Variants in GALNT15 observed in about 807,000 individuals in gnomAD.
GALNT15 encodes the protein UDP-GalNAc transferase T15.
A neutral mutation model predicts 66.8 loss-of-function variants in GALNT15; 67 were observed. That is an observed-to-expected ratio of 1.00 (90% CI 0.82 to 1.23). The LOEUF is 1.23. GALNT15 is among the 50% of genes most tolerant of loss of function. The pLI is 0.00. For synonymous variants in GALNT15, 313 were observed against 311.5 expected, an observed-to-expected ratio of 1.00 and a Z score of -0.05; for missense variants, 827 against 804.3, an observed-to-expected ratio of 1.03 and a Z score of -0.34.
In GALNT15 at chr3:16,194,746, C is replaced by T. The variant is rs564653635; in HGVS notation, c.540-1014C>T. Among the ~76,000 whole-genome samples, 37 of 152,262 alleles carry T rather than the reference C, an allele frequency of 2.4e-4. No homozygotes were observed. The South Asian group carries it at 6.0e-3, about 25-fold the overall frequency. On this transcript the variant is annotated intron_variant, in intron 1 of 9. Transcript: ENST00000339732. ...AACACAGGAACAGAAAACCAAACAC[C>T]GCATGTTCTCACTTATAAGTGGGAG...
Position 16,228,083 on chromosome 3 carries a change from GC to G in GALNT15, c.*586del, listed in dbSNP as rs2064042199. On this transcript the variant is annotated 3_prime_UTR_variant, in exon 10 of 10. Coordinates refer to ENST00000339732, the MANE Select transcript of GALNT15 (RefSeq NM_054110.5). Reference sequence around the variant, plus strand: ...GCAGAGAAGATGCAAGAGCACTTTGGCCCAATTCTCCAGCTCAACCCAGCAG... The same window carrying G: ...GCAGAGAAGATGCAAGAGCACTTTGGCCAATTCTCCAGCTCAACCCAGCAG... 2 of 985,996 alleles carry G rather than the reference GC, an allele frequency of 2.0e-6. No homozygotes were observed. The highest frequency in any genetic ancestry group is 2.4e-6 in the Non-Finnish European group (2 of 830,166). 61.1% of individuals were successfully genotyped at this position (985,996 alleles called of 1,614,324 possible). A position where few individuals can be genotyped will look rare whatever the true frequency, so the allele number is the denominator to read the frequency against.
rs768652643 is a variant in GALNT15 at position 16,227,436 on chromosome 3, C to T, written c.1856C>T (p.Pro619Leu). 45 of 1,613,996 alleles carry T rather than the reference C, an allele frequency of 2.8e-5. No homozygotes were observed. In the South Asian group the frequency reaches 3.5e-4, roughly 13 times the overall value. The change falls in exon 10 of 10, where the codon CCG becomes CTG. Residue 619 changes from proline (P) to leucine (L), a missense_variant. Physicochemically the swap from Pro to Leu is moderately conservative, Grantham distance 98. Coordinates refer to ENST00000339732, the MANE Select transcript of GALNT15 (RefSeq NM_054110.5). The surrounding 1 kb of genome is among the most constrained non-coding windows in gnomAD (Gnocchi z 4.5). The stretch of plus-strand genomic sequence containing the variant: ...AACAATAAAGATTTGTACCTGCGTC[C>T]GTGTGATGGAAAAGCCCGCCAGCAG... ...QENNKDLYLR[P>L]CDGKARQQWR... is the part of the protein sequence containing the mutation.
In GALNT15 at chr3:16,193,905, AT is replaced by A. The variant is rs1418569194; in HGVS notation, c.540-1854del. 6.6e-6 allele frequency among the ~76,000 whole-genome samples: 1 copy of A among 152,218 alleles called. No individual in the cohort carries two copies. The highest frequency in any genetic ancestry group is 2.4e-5 in the African/African-American group (1 of 41,462). On this transcript the variant is annotated intron_variant, in intron 1 of 9. Coordinates refer to ENST00000339732, the MANE Select transcript of GALNT15 (RefSeq NM_054110.5). The surrounding 1 kb of genome is among the most constrained non-coding windows in gnomAD (Gnocchi z 4.7). ...CCTTTTGTAAGCAAGTGTGAGCTAT[AT>A]ACTGCTCCATGTATCAGGTTGTTAT... is the stretch of plus-strand genomic sequence containing the variant.
chr3:16,205,290 C>T (rs1036267071), intron 3 of GALNT15, among the ~76,000 whole-genome samples: 16 of 152,174 alleles, frequency 1.1e-4, no homozygotes, highest in South Asian at 2.1e-4. Flanking sequence ...TCCAGGCTCA[C>T]GAGAATTAAC....
Position 16,183,620 on chromosome 3 carries a change from G to T in GALNT15, c.539+7930G>T, listed in dbSNP as rs141571546. On this transcript the variant is annotated intron_variant, in intron 1 of 9. Transcript: ENST00000339732. This position sits in a 1 kb window ranked among gnomAD's most constrained non-coding sequence, Gnocchi z 5.2. ...CCAAGAAGCTTGGGGTGCACTGGGG[G>T]ATGCAGACAAGCAAACAGGCTGGTA... Among the ~76,000 whole-genome samples the T allele has an allele frequency of 2.5e-4, 38 of 152,324 alleles. No homozygotes were observed. The highest frequency in any genetic ancestry group is 4.4e-4 in the Non-Finnish European group (30 of 68,020).
chr3:16,184,569 G>A lies in GALNT15; in HGVS notation c.539+8879G>A, dbSNP rs977023412. ...GATTTCACGTCCCTACATCCAGAAC[G>A]TCTCACTACAGCTGCTGAATAATGA... On this transcript the variant is annotated intron_variant, in intron 1 of 9. Transcript: ENST00000339732. This position sits in a 1 kb window ranked among gnomAD's most constrained non-coding sequence, Gnocchi z 5.0. Among the ~76,000 whole-genome samples, 5 of 152,132 alleles carry A rather than the reference G, an allele frequency of 3.3e-5. No individual in the cohort carries two copies. Among genetic ancestry groups the A allele is most frequent in the South Asian group, 2.1e-4 (1 of 4,812 alleles).
intron 9 of GALNT15, among the ~76,000 whole-genome samples, chr3:16,226,109 A>T (rs974575229): frequency 6.6e-6 from 1 of 152,166 alleles, no homozygotes; most frequent in African/African-American, 2.4e-5. Context: ...CCACATTTAT[A>T]TAGTTCCATT....
chr3:16,208,201 T>A (rs2063777962), intron 3 of GALNT15, among the ~76,000 whole-genome samples: 1 of 152,284 alleles, frequency 6.6e-6, no homozygotes, highest in Admixed American at 6.5e-5. Flanking sequence ...CATTACAAAA[T>A]AAAAATAAAC....
At position 16,229,638 on chromosome 3, in the gene GALNT15, A is replaced by T. The variant is rs893036442; in HGVS notation, c.*2138A>T. 2.9e-5 allele frequency: 29 copies of T among 985,324 alleles called. No homozygotes were observed. Among genetic ancestry groups the T allele is most frequent in the Middle Eastern group, 5.2e-4 (1 of 1,914 alleles). The allele number at this position is 985,324 out of a possible 1,614,324, so 61.0% of individuals were successfully genotyped here. ...TGGTATTAGCGGCTGAAGAAAAAAAATTTTTCAAGACCTCTGTTTTTTAAC... is the reference window on the plus strand; with the variant it reads ...TGGTATTAGCGGCTGAAGAAAAAAATTTTTTCAAGACCTCTGTTTTTTAAC... On this transcript the variant is annotated 3_prime_UTR_variant, in exon 10 of 10. Coordinates refer to ENST00000339732, the MANE Select transcript of GALNT15 (RefSeq NM_054110.5).
chr3:16,225,650 G>A lies in GALNT15; in HGVS notation c.1774-1704G>A, dbSNP rs564484198. On this transcript the variant is annotated intron_variant, in intron 9 of 9. Coordinates refer to ENST00000339732, the MANE Select transcript of GALNT15 (RefSeq NM_054110.5). This position sits in a 1 kb window ranked among gnomAD's most constrained non-coding sequence, Gnocchi z 4.4. ...GCAGAGGTTGCACTGAGCTGAGATC[G>A]TGCCACTGTACTCCAGCCTGGGTGA... Among the ~76,000 whole-genome samples the A allele has an allele frequency of 1.6e-4, 24 of 151,982 alleles. No individual in the cohort carries two copies. Among genetic ancestry groups the A allele is most frequent in the South Asian group, 4.1e-4 (2 of 4,822 alleles).
chr3:16,211,133 G>A lies in GALNT15; in HGVS notation c.1089G>A (p.Val363=). Residue 363 remains valine, a synonymous_variant, in exon 5 of 10, where the codon GTG becomes GTA. Coordinates refer to ENST00000339732, the MANE Select transcript of GALNT15 (RefSeq NM_054110.5). This position sits in a 1 kb window ranked among gnomAD's most constrained non-coding sequence, Gnocchi z 4.3. ...QSPISPIRSP[V]VPGEVVAMDR... ...TGTCTTCTGTGTCCAGGAGCCCTGT[G>A]GTGCCCGGAGAGGTGGTGGCCATGG... 6.2e-7 allele frequency: 1 copy of A among 1,612,494 alleles called. No individual in the cohort carries two copies. The highest frequency in any genetic ancestry group is 8.5e-7 in the Non-Finnish European group (1 of 1,178,614).
Position 16,220,001 on chromosome 3 carries a change from G to A in GALNT15, c.1616G>A (p.Ser539Asn). 6.2e-7 allele frequency: 1 copy of A among 1,613,958 alleles called. No individual in the cohort carries two copies. The highest frequency in any genetic ancestry group is 8.5e-7 in the Non-Finnish European group (1 of 1,179,764). ...CPMVLAPCSD[S>N]RQQQYLQHTS... is the part of the protein sequence containing the mutation. ...ATGGTGTTGGCTCCTTGCAGTGACA[G>A]CCGGCAGCAACAGGTGGGTAGTCAG... Residue 539 changes from serine to asparagine, a missense_variant, in exon 8 of 10, where the codon AGC (serine) becomes AAC (asparagine). Ser to Asn is a conservative substitution (Grantham distance 46). Transcript: ENST00000339732.
chr3:16,201,334 A>G (rs1407780436), intron 3 of GALNT15, among the ~76,000 whole-genome samples: 3 of 152,096 alleles, frequency 2.0e-5, no homozygotes, highest in South Asian at 4.2e-4. Context: ...GGCGCCCGCC[A>G]CCACACCCGG....
At chr3:16,237,549 G>A in the GALNT15 span, among the ~76,000 whole-genome samples, 3 of 152,200 alleles carry the variant, frequency 2.0e-5, no homozygotes, top group Admixed American at 2.0e-4. The surrounding 1 kb of genome is among the most constrained non-coding windows in gnomAD (Gnocchi z 4.2). Flanking sequence ...TTATCGTCTA[G>A]TGAGCCTTCA....
chr3:16,220,941 A>G (rs1015983526), intron 8 of GALNT15, among the ~76,000 whole-genome samples: 1 of 152,248 alleles, frequency 6.6e-6, no homozygotes, highest in Non-Finnish European at 1.5e-5. Context: ...GGACATACTG[A>G]TAGGCATTCA....
rs1167840556 is a variant in GALNT15, at chr3:16,182,920, T to G, written c.539+7230T>G. On this transcript the variant is annotated intron_variant, in intron 1 of 9. Coordinates refer to ENST00000339732, the MANE Select transcript of GALNT15 (RefSeq NM_054110.5). This position sits in a 1 kb window ranked among gnomAD's most constrained non-coding sequence, Gnocchi z 6.1. ...TGCTCTATGACCTGCTATCAACTGC[T>G]CACTTTTTGCATGTCTAAAGCTCAC... 1 of 152,280 alleles carries G rather than the reference T, an allele frequency of 6.6e-6. No homozygotes were observed. Among genetic ancestry groups the G allele is most frequent in the East Asian group, 1.9e-4 (1 of 5,198 alleles). The allele number at this position is 152,280 out of a possible 1,614,324, so 9.4% of individuals were successfully genotyped here.
Position 16,200,949 on chromosome 3 carries a change from T to G in GALNT15, c.911+126T>G. On this transcript the variant is annotated intron_variant, in intron 3 of 9. Coordinates refer to ENST00000339732, the MANE Select transcript of GALNT15 (RefSeq NM_054110.5). The surrounding 1 kb of genome is among the most constrained non-coding windows in gnomAD (Gnocchi z 4.4). ...CTCCATTAGAGAGTGATATATTCCCTTCGGGTTTTCAGATGTGTAAGTTTT... is the reference window on the plus strand; with the variant it reads ...CTCCATTAGAGAGTGATATATTCCCGTCGGGTTTTCAGATGTGTAAGTTTT... 1.5e-6 allele frequency: 1 copy of G among 679,748 alleles called. No homozygotes were observed. The highest frequency in any genetic ancestry group is 2.3e-6 in the Non-Finnish European group (1 of 437,106). The allele number at this position is 679,748 out of a possible 1,614,324, so 42.1% of individuals were successfully genotyped here. A position where few individuals can be genotyped will look rare whatever the true frequency, so the allele number is the denominator to read the frequency against.
Position 16,175,199 on chromosome 3 carries a change from C to T in GALNT15, c.48C>T (p.Phe16=). The T allele has an allele frequency of 6.2e-7, 1 of 1,614,188 alleles. No individual in the cohort carries two copies. The stretch of plus-strand genomic sequence containing the variant: ...GGCACAGACCATGCAGACTCCAGTT[C>T]CTCCTGCTGCTCCTGATGCTGGGAT... ...RYRHRPCRLQ[F]LLLLLMLGCV... Residue 16 remains phenylalanine, a synonymous_variant, in exon 1 of 10, where the codon TTC becomes TTT. Coordinates refer to ENST00000339732, the MANE Select transcript of GALNT15 (RefSeq NM_054110.5). The surrounding 1 kb of genome is among the most constrained non-coding windows in gnomAD (Gnocchi z 5.6).
downstream of GALNT15, among the ~76,000 whole-genome samples, chr3:16,232,506 A>ATT (rs2064094645): frequency 1.2e-5 from 1 of 83,458 alleles, no homozygotes; most frequent in African/African-American, 5.4e-5. Flanking sequence ...ATATATATAT[A>ATT]TATATTTATT....
Sources: gnomAD v4.1 joint callset for allele counts (sites outside exome capture counted in the v4.1 genomes callset) on GRCh38, gnomAD v4.1.1 for gene constraint, Gnocchi (gnomAD v3.1) non-coding constraint, MANE v1.5 for transcripts, NCBI Gene and HGNC (gene_info 2026-07-23, HGNC 2026-07-21) for gene names.